Variants in ST6GALNAC3 observed in about 807,000 individuals in gnomAD.
ST6GALNAC3 encodes alpha-N-acetylgalactosaminide alpha-2,6-sialyltransferase 3.
Under a neutral mutation model 32.7 loss-of-function variants are expected in ST6GALNAC3, and 25 were observed. The observed-to-expected ratio is 0.76, with a 90% CI of 0.56 to 1.07. The LOEUF (loss-of-function observed/expected upper bound fraction) is 1.07. Among genes scored for constraint, ST6GALNAC3 ranks in the 50% least tolerant of loss-of-function variants. The pLI, the probability that ST6GALNAC3 is intolerant of heterozygous loss-of-function variation, is 0.00. For missense variants in ST6GALNAC3, 355 were observed against 382.4 expected (o/e 0.93, Z 0.60); for synonymous variants, 129 against 133.1 (o/e 0.97, Z 0.21).
At chr1:76,289,762 C>T (rs1163479226) in intron 1 of ST6GALNAC3, among the ~76,000 whole-genome samples, 1 of 152,216 alleles carries the variant, frequency 6.6e-6, no homozygotes, top group African/African-American at 2.4e-5. Context: ...GGCTTTTTAC[C>T]TAGGGCCTGA....
downstream of ST6GALNAC3, among the ~76,000 whole-genome samples, chr1:76,636,103 A>G (rs923542482): frequency 6.6e-6 from 1 of 152,200 alleles, no homozygotes; most frequent in Non-Finnish European, 1.5e-5. Flanking sequence ...GTGTATGGAT[A>G]TCAGTACCCA....
chr1:76,349,666 A>G (rs2101017766), intron 2 of ST6GALNAC3, among the ~76,000 whole-genome samples: 1 of 152,248 alleles, frequency 6.6e-6, no homozygotes, highest in African/African-American at 2.4e-5. Context: ...TTATTTTACT[A>G]TTCTTTGATT....
chr1:76,378,994 G>A (rs565373510), intron 2 of ST6GALNAC3, among the ~76,000 whole-genome samples: 8 of 152,096 alleles, frequency 5.3e-5, no homozygotes, highest in Non-Finnish European at 7.4e-5. Context: ...CCGCCCGAGC[G>A]GCAAGTGATT....
At chr1:76,255,393 C>CT (rs1300177776) in intron 1 of ST6GALNAC3, among the ~76,000 whole-genome samples, 1 of 151,950 alleles carries the variant, frequency 6.6e-6, no homozygotes, top group Non-Finnish European at 1.5e-5. Context: ...AAATTATCTG[C>CT]TTTTTTGTGT....
chr1:76,119,769 T>C (rs1648741224), intron 1 of ST6GALNAC3, among the ~76,000 whole-genome samples: 1 of 73,296 alleles, frequency 1.4e-5, no homozygotes. Flanking sequence ...CTAGGTGCCC[T>C]CCAGGGATTG....
At chr1:76,618,414 T>C (rs1159075704) in intron 3 of ST6GALNAC3, among the ~76,000 whole-genome samples, 1 of 152,150 alleles carries the variant, frequency 6.6e-6, no homozygotes, top group Non-Finnish European at 1.5e-5. Context: ...TGGATATTAG[T>C]ACTCCCCACA....
chr1:76,442,589 C>G (rs1571241553), intron 3 of ST6GALNAC3, among the ~76,000 whole-genome samples: 1 of 152,014 alleles, frequency 6.6e-6, no homozygotes, highest in East Asian at 1.9e-4. Context: ...ACTTCTTTTT[C>G]TCAATCAACC....
chr1:76,334,234 C>T (rs1023738539), intron 2 of ST6GALNAC3, among the ~76,000 whole-genome samples: 2 of 152,180 alleles, frequency 1.3e-5, no homozygotes, highest in Non-Finnish European at 2.9e-5. Context: ...ATCTAATTTA[C>T]ACCACTTATG....
intron 3 of ST6GALNAC3, among the ~76,000 whole-genome samples, chr1:76,540,838 A>C (rs2100284440): frequency 6.6e-6 from 1 of 152,334 alleles, no homozygotes; most frequent in African/African-American, 2.4e-5. Context: ...TGCTTTAGGC[A>C]CTTGAACATT....
chr1:76,289,526 G>A (rs2100811968), intron 1 of ST6GALNAC3, among the ~76,000 whole-genome samples: 1 of 152,308 alleles, frequency 6.6e-6, no homozygotes. Flanking sequence ...GGGGCAAAAA[G>A]TTTAAATTCA....
At chr1:76,441,053 A>C (rs1341513533) in intron 3 of ST6GALNAC3, among the ~76,000 whole-genome samples, 1 of 143,766 alleles carries the variant, frequency 7.0e-6, no homozygotes, top group Admixed American at 7.5e-5. Flanking sequence ...ATGCCACTGC[A>C]CTCCAGCCTG....
At chr1:76,545,606 C>A (rs1159234663) in intron 3 of ST6GALNAC3, among the ~76,000 whole-genome samples, 1 of 151,896 alleles carries the variant, frequency 6.6e-6, no homozygotes, top group Admixed American at 6.6e-5. Flanking sequence ...CTATGCCTCA[C>A]CTTATGTAAA....
chr1:76,552,679 C>G (rs1362106113), intron 3 of ST6GALNAC3, among the ~76,000 whole-genome samples: 1 of 152,152 alleles, frequency 6.6e-6, no homozygotes, highest in Non-Finnish European at 1.5e-5. Flanking sequence ...ACCATTTATG[C>G]TTTAATATAG....
intron 1 of ST6GALNAC3, among the ~76,000 whole-genome samples, chr1:76,287,387 C>CTTTTTTTTTTTTTTT (rs5775339): frequency 7.6e-6 from 1 of 130,754 alleles, no homozygotes; most frequent in African/African-American, 2.9e-5. Context: ...TTTTTTCTTC[C>CTTTTTTTTTTTTTTT]TTTTTTTTTT....
downstream of ST6GALNAC3, chr1:76,636,975 A>G (rs941889399): frequency 2.0e-5 from 3 of 152,118 alleles, no homozygotes; most frequent in African/African-American, 7.2e-5. Flanking sequence ...AAGAGTTGTA[A>G]TTGATGATAA....
chr1:76,629,342 C>A lies in ST6GALNAC3; in HGVS notation c.*536C>A, dbSNP rs1649175847. On this transcript the variant is annotated 3_prime_UTR_variant, in exon 5 of 5. Coordinates refer to ENST00000328299, the MANE Select transcript of ST6GALNAC3 (RefSeq NM_152996.4). ...AAAATATCTCTTCCTAATATACCAT[C>A]TTTCTACAGTATTTCCTACAGCTAA... 1.0e-6 allele frequency: 1 copy of A among 985,336 alleles called. No individual in the cohort carries two copies. Among genetic ancestry groups the A allele is most frequent in the South Asian group, 4.7e-5 (1 of 21,306 alleles). 61.0% of individuals were successfully genotyped at this position (985,336 alleles called of 1,614,324 possible). A position where few individuals can be genotyped will look rare whatever the true frequency, so the allele number is the denominator to read the frequency against.
intron 1 of ST6GALNAC3, among the ~76,000 whole-genome samples, chr1:76,110,454 A>T (rs403449): frequency 0.28 from 43,202 of 152,220 alleles, 7,698 homozygotes; most frequent in African/African-American, 0.51. Flanking sequence ...ATGCTGTGAC[A>T]TTGTGAGCAC....
chr1:76,312,686 CA>C (rs1646789589), intron 1 of ST6GALNAC3, among the ~76,000 whole-genome samples: 1 of 152,068 alleles, frequency 6.6e-6, no homozygotes, highest in Admixed American at 6.6e-5. Flanking sequence ...TCCCCTTTAA[CA>C]AAACAAAATT....
rs1042929177 is a variant in ST6GALNAC3 at position 76,215,617 on chromosome 1, T to C, written c.19-98188T>C. The stretch of plus-strand genomic sequence containing the variant: ...GTTACTTGCATGGAAAAATGCATGC[T>C]GCATGTAGTTCCGAATGCCCCACCC... On this transcript the variant is annotated intron_variant, in intron 1 of 4. Transcript: ENST00000328299. Among the ~76,000 whole-genome samples, 5 of 152,352 alleles carry C rather than the reference T, an allele frequency of 3.3e-5. No homozygotes were observed. The East Asian group carries it at 9.6e-4, about 29-fold the overall frequency.
Sources: gnomAD v4.1 joint callset for allele counts (sites outside exome capture counted in the v4.1 genomes callset) on GRCh38, gnomAD v4.1.1 for gene constraint, MANE v1.5 for transcripts, NCBI Gene and HGNC (gene_info 2026-07-23, HGNC 2026-07-21) for gene names.